MICU3: variants seen among roughly 807,000 people sequenced by gnomAD.
The protein encoded by MICU3 is calcium uptake protein 3, mitochondrial.
In MICU3, 62 loss-of-function variants were observed where a neutral mutation model predicts 66.5. The ratio of observed to expected loss-of-function variants is 0.93; its 90% CI spans 0.76 to 1.15. MICU3 has a LOEUF of 1.15. Among genes scored for constraint, MICU3 ranks in the 50% most tolerant of loss-of-function variants. MICU3 has a pLI of 0.00. For synonymous variants in MICU3, 308 were observed against 240.7 expected (o/e 1.28, Z -2.59); for missense variants, 779 against 664.4 (o/e 1.17, Z -1.90).
intron 10 of MICU3, among the ~76,000 whole-genome samples, chr8:17,104,994 CAAAAAAAA>C (rs746149322): frequency 4.6e-4 from 4 of 8,718 alleles, no homozygotes; most frequent in East Asian, 3.9e-3. Context: ...GACTCCGTCT[CAAAAAAAA>C]AAAAAAAAAA....
At chr8:17,047,702 A>G (rs1815326247) in intron 1 of MICU3, among the ~76,000 whole-genome samples, 1 of 152,242 alleles carries the variant, frequency 6.6e-6, no homozygotes, top group Non-Finnish European at 1.5e-5. Flanking sequence ...ACTGCCACTT[A>G]GATTTCTATA....
chr8:17,079,006 A>G (rs1057197808), intron 4 of MICU3, among the ~76,000 whole-genome samples: 2 of 152,174 alleles, frequency 1.3e-5, no homozygotes, highest in Non-Finnish European at 2.9e-5. Context: ...AATATACCTC[A>G]TGGGAAAATA....
At chr8:17,081,974 G>C (rs147270855) in intron 5 of MICU3, 1 of 311,308 alleles carries the variant, frequency 3.2e-6, no homozygotes, top group Admixed American at 5.3e-5. Context: ...TTAATATTAC[G>C]TGTCAATTCT....
chr8:17,108,240 A>C (rs541040420), intron 11 of MICU3, among the ~76,000 whole-genome samples: 1 of 152,146 alleles, frequency 6.6e-6, no homozygotes, highest in Admixed American at 6.6e-5. Context: ...TAGTTATCTC[A>C]ATGAAAAATT....
the MICU3 span, among the ~76,000 whole-genome samples, chr8:17,135,988 TAGC>T: frequency 6.6e-6 from 1 of 152,150 alleles, no homozygotes; most frequent in African/African-American, 2.4e-5. Flanking sequence ...TTCTCTATGT[TAGC>T]TTCTTCATCT....
intron 1 of MICU3, among the ~76,000 whole-genome samples, chr8:17,055,364 A>G (rs545988188): frequency 6.6e-6 from 1 of 152,148 alleles, no homozygotes; most frequent in East Asian, 1.9e-4. Context: ...TCTTAAACTT[A>G]CTCTAATGTT....
At chr8:17,085,341 T>A (rs1250202766) in intron 6 of MICU3, 23 bp downstream of exon 6, 1 of 1,371,848 alleles carries the variant, frequency 7.3e-7, no homozygotes, top group Non-Finnish European at 1.0e-6. Context: ...GATGCTGCAC[T>A]TTATCAATAA....
At chr8:17,089,528 T>C (rs1490927422) in intron 7 of MICU3, among the ~76,000 whole-genome samples, 4 of 152,102 alleles carry the variant, frequency 2.6e-5, no homozygotes, top group Non-Finnish European at 5.9e-5. Context: ...ATAGTTTGGC[T>C]GAGTTCTGAG....
chr8:17,030,022 A>C (rs920376859), intron 1 of MICU3, among the ~76,000 whole-genome samples: 1 of 151,964 alleles, frequency 6.6e-6, no homozygotes, highest in Non-Finnish European at 1.5e-5. Context: ...GAATTTTTTT[A>C]TTTCTGCTAT....
intron 6 of MICU3, among the ~76,000 whole-genome samples, chr8:17,085,735 C>T (rs983471998): frequency 6.6e-6 from 1 of 152,098 alleles, no homozygotes; most frequent in Non-Finnish European, 1.5e-5. Flanking sequence ...CTTCCACTTA[C>T]TCCTGCCTTG....
intron 3 of MICU3, among the ~76,000 whole-genome samples, chr8:17,075,440 G>T (rs1820235778): frequency 6.6e-6 from 1 of 151,968 alleles, no homozygotes; most frequent in Admixed American, 6.6e-5. Flanking sequence ...CATAAACTCG[G>T]GTATGAACCA....
intron 1 of MICU3, among the ~76,000 whole-genome samples, chr8:17,031,762 G>A (rs561759812): frequency 6.6e-6 from 1 of 152,244 alleles, no homozygotes; most frequent in South Asian, 2.1e-4. Context: ...TGATGTAAGT[G>A]AACAGCAGTA....
At chr8:17,134,667 A>G in the MICU3 span, among the ~76,000 whole-genome samples, 102 of 152,232 alleles carry the variant, frequency 6.7e-4, no homozygotes, top group African/African-American at 2.3e-3. Flanking sequence ...GATGGTCTCA[A>G]TCTCCTGACC....
chr8:17,042,647 A>G (rs1473780491), intron 1 of MICU3, among the ~76,000 whole-genome samples: 1 of 152,208 alleles, frequency 6.6e-6, no homozygotes, highest in Non-Finnish European at 1.5e-5. Context: ...TTTGCTCATT[A>G]AAGAGTTATT....
chr8:17,050,102 A>T (rs1166772007), intron 1 of MICU3, among the ~76,000 whole-genome samples: 2 of 152,124 alleles, frequency 1.3e-5, no homozygotes, highest in Non-Finnish European at 2.9e-5. Context: ...TGCTGCAGTG[A>T]CTATCCAGGG....
intron 11 of MICU3, among the ~76,000 whole-genome samples, chr8:17,110,785 T>G (rs1313555042): frequency 4.6e-5 from 7 of 151,814 alleles, no homozygotes; most frequent in Admixed American, 4.6e-4. Context: ...TTTTTTTGCC[T>G]AGACTTGTCT....
intron 9 of MICU3, among the ~76,000 whole-genome samples, chr8:17,101,614 G>A (rs768888191): frequency 6.6e-6 from 1 of 151,786 alleles, no homozygotes; most frequent in Non-Finnish European, 1.5e-5. Context: ...ACCTGTATAA[G>A]ACAAAGCCAT....
At chr8:17,051,316 A>C (rs772980092) in intron 1 of MICU3, among the ~76,000 whole-genome samples, 1 of 152,184 alleles carries the variant, frequency 6.6e-6, no homozygotes, top group Non-Finnish European at 1.5e-5. Context: ...TTTATTCAGC[A>C]AATAGTTGAG....
chr8:17,075,795 T>G (rs80045597), intron 3 of MICU3, among the ~76,000 whole-genome samples: 5,576 of 152,190 alleles, frequency 0.037, 157 homozygotes, highest in Non-Finnish European at 0.056. Context: ...TGAGGATTGT[T>G]TTTAGAATGA....
Sources: allele counts gnomAD v4.1 joint callset (sites outside exome capture counted in the v4.1 genomes callset), GRCh38; gene constraint gnomAD v4.1.1; transcripts MANE v1.5; gene names NCBI Gene and HGNC (gene_info 2026-07-23, HGNC 2026-07-21).